The following C12orf42 variants were observed in gnomAD, a reference collection of about 807,000 sequenced individuals.
C12orf42 encodes the protein uncharacterized protein C12orf42.
Under a neutral mutation model 21.6 loss-of-function variants are expected in C12orf42, and 25 were observed. The observed-to-expected ratio is 1.16, with a 90% confidence interval of 0.84 to 1.62. C12orf42 has a LOEUF of 1.62. Ranked by LOEUF, C12orf42 falls within the 40% of genes most tolerant of loss-of-function variation. C12orf42 has a pLI of 0.00. For missense variants in C12orf42, 483 were observed against 459.3 expected (o/e 1.05, Z -0.47); for synonymous variants, 174 against 175.0 (o/e 0.99, Z 0.05).
At chr12:103,381,916 C>CA (rs57693837) in intron 3 of C12orf42, among the ~76,000 whole-genome samples, 71 of 147,712 alleles carry the variant, frequency 4.8e-4, no homozygotes, top group African/African-American at 8.3e-4. Flanking sequence ...GACTCCGTCT[C>CA]AAAAAAAAAA....
chr12:103,563,615 T>C, the C12orf42 span, among the ~76,000 whole-genome samples: 1 of 152,172 alleles, frequency 6.6e-6, no homozygotes, highest in Non-Finnish European at 1.5e-5. Flanking sequence ...TAATCTAGAC[T>C]AGCTTCAGCT....
chr12:103,088,470 C>T, the C12orf42 span, among the ~76,000 whole-genome samples: 2 of 152,120 alleles, frequency 1.3e-5, no homozygotes, highest in Non-Finnish European at 2.9e-5. Context: ...GAGAATTAAC[C>T]AGTTGGTTTT....
chr12:103,394,779 C>T (rs544666087), intron 3 of C12orf42, among the ~76,000 whole-genome samples: 1 of 152,256 alleles, frequency 6.6e-6, no homozygotes, highest in South Asian at 2.1e-4. Context: ...CAAGGAGAGG[C>T]CTGATAACTG....
At chr12:103,547,043 A>G in the C12orf42 span, among the ~76,000 whole-genome samples, 1 of 152,166 alleles carries the variant, frequency 6.6e-6, no homozygotes, top group East Asian at 1.9e-4. Context: ...TTGGGTCTTC[A>G]TTTCCTTATG....
rs764856308 is a variant in C12orf42, at chr12:103,302,404, T to TTGGATGG, written c.786_787insCCATCCA (p.Ser263ProfsTer92). The TTGGATGG allele has an allele frequency of 6.2e-7, 1 of 1,613,706 alleles. No individual in the cohort carries two copies. Among genetic ancestry groups the TTGGATGG allele is most frequent in the Non-Finnish European group, 8.5e-7 (1 of 1,179,810 alleles). ...TTTCCGGACGCGCCCAGGAGTCTGC[T>TTGGATGG]TTGGATGTCGTCGGGGTGTGCCTGA... On this transcript the variant is annotated frameshift_variant, in exon 6 of 6. Transcript: ENST00000548883. LOFTEE classifies it low-confidence loss of function (END_TRUNC).
At chr12:103,288,814 A>C (rs114163686) in intron 4 of C12orf42, among the ~76,000 whole-genome samples, 1,803 of 152,318 alleles carry the variant, frequency 0.012, 41 homozygotes, top group African/African-American at 0.041. Context: ...AGCAAAAAAC[A>C]CAAATCCTGA....
chr12:103,075,040 A>T, the C12orf42 span, among the ~76,000 whole-genome samples: 1 of 152,174 alleles, frequency 6.6e-6, no homozygotes, highest in African/African-American at 2.4e-5. Context: ...GTGAGCTGTG[A>T]TCATGCCATT....
rs1391343347 is a variant in C12orf42 at position 103,281,393 on chromosome 12, C to T, written n.338-4183G>A. Among the ~76,000 whole-genome samples, 3 of 152,198 alleles carry T rather than the reference C, an allele frequency of 2.0e-5. No individual in the cohort carries two copies. The East Asian group carries it at 5.8e-4, about 29-fold the overall frequency. ...TGTTGTTCTCTTTGAGATGGAGTCT[C>T]ACTCTGTCACCCAGGCTGGAGTGCA... On this transcript the variant is annotated intron_variant and non_coding_transcript_variant, in intron 4 of 6. Transcript: ENST00000546526.
chr12:103,424,864 A>G (rs2139197545), intron 2 of C12orf42, among the ~76,000 whole-genome samples: 1 of 152,296 alleles, frequency 6.6e-6, no homozygotes, highest in South Asian at 2.1e-4. Flanking sequence ...AAAGGGGGCT[A>G]AAGCCAGGGA....
At chr12:103,555,204 G>T in the C12orf42 span, among the ~76,000 whole-genome samples, 3 of 152,052 alleles carry the variant, frequency 2.0e-5, no homozygotes, top group Non-Finnish European at 4.4e-5. Flanking sequence ...AAGACTGGGG[G>T]AAAAAAGAGG....
At chr12:103,408,015 A>G (rs934977982) in intron 2 of C12orf42, among the ~76,000 whole-genome samples, 3 of 151,868 alleles carry the variant, frequency 2.0e-5, no homozygotes, top group Non-Finnish European at 4.4e-5. Flanking sequence ...TAACAATGGC[A>G]CCCCCCTCTT....
At chr12:103,247,730 C>G (rs1317652211) in intron 10 of C12orf42, among the ~76,000 whole-genome samples, 1 of 151,962 alleles carries the variant, frequency 6.6e-6, no homozygotes. Context: ...CTTCCTGACT[C>G]CTCTGTACAT....
chr12:103,197,232 G>C, the C12orf42 span, among the ~76,000 whole-genome samples: 1 of 152,120 alleles, frequency 6.6e-6, no homozygotes, highest in African/African-American at 2.4e-5. Context: ...TAAGGATGCT[G>C]AATGTAGGCC....
the C12orf42 span, among the ~76,000 whole-genome samples, chr12:103,052,971 C>T: frequency 6.6e-6 from 1 of 151,888 alleles, no homozygotes; most frequent in African/African-American, 2.4e-5. Flanking sequence ...ATGAGAACAT[C>T]TATTTATAGA....
At chr12:103,401,719 C>T in intron 2 of C12orf42, 44 bp from the exon 3 acceptor site, 1 of 1,556,434 alleles carries the variant, frequency 6.4e-7, no homozygotes, top group Admixed American at 1.7e-5. Context: ...TTCAATAATT[C>T]TTACAAAGAA....
At chr12:103,181,091 G>A in the C12orf42 span, among the ~76,000 whole-genome samples, 3 of 151,432 alleles carry the variant, frequency 2.0e-5, no homozygotes, top group African/African-American at 4.8e-5. Flanking sequence ...GTGAAACCCC[G>A]TCTCTACTAA....
At chr12:103,259,689 T>G (rs1326620126) in intron 10 of C12orf42, among the ~76,000 whole-genome samples, 2 of 152,230 alleles carry the variant, frequency 1.3e-5, no homozygotes, top group Non-Finnish European at 2.9e-5. Flanking sequence ...GAAATGTCAA[T>G]GTCGGTGTTG....
At chr12:103,184,077 T>G in the C12orf42 span, among the ~76,000 whole-genome samples, 27 of 152,250 alleles carry the variant, frequency 1.8e-4, no homozygotes, top group Non-Finnish European at 3.5e-4. Flanking sequence ...TTGGTGATTA[T>G]GTTGTTTAGA....
At chr12:103,474,270 A>G (rs898212443) in intron 2 of C12orf42, among the ~76,000 whole-genome samples, 1 of 152,234 alleles carries the variant, frequency 6.6e-6, no homozygotes, top group Non-Finnish European at 1.5e-5. Flanking sequence ...GTTGGAAAAC[A>G]GCACCAGTCA....
Sources: gnomAD v4.1 joint callset for allele counts (sites outside exome capture counted in the v4.1 genomes callset) on GRCh38, gnomAD v4.1.1 for gene constraint, MANE v1.5 for transcripts, NCBI Gene and HGNC (gene_info 2026-07-23, HGNC 2026-07-21) for gene names.